Variants in PARD3 observed in about 807,000 individuals in gnomAD.
PARD3 encodes partitioning defective 3 homolog.
A neutral mutation model predicts 155.4 loss-of-function variants in PARD3; 75 were observed. That is an observed-to-expected ratio of 0.48 (90% CI 0.40 to 0.58). PARD3 has a LOEUF of 0.58. PARD3 is among the 20% of genes least tolerant of loss of function. The pLI is 0.00. For synonymous variants in PARD3, 576 were observed against 610.5 expected, an observed-to-expected ratio of 0.94 and a Z score of 0.83; for missense variants, 1,642 against 1,721.7, an observed-to-expected ratio of 0.95 and a Z score of 0.82.
chr10:34,596,237 T>TA (rs34216991), intron 2 of PARD3, among the ~76,000 whole-genome samples: 1 of 61,450 alleles, frequency 1.6e-5, no homozygotes, highest in East Asian at 5.9e-4. Flanking sequence ...AAATTTTTAC[T>TA]TTTTTTTTTT....
intron 1 of PARD3, among the ~76,000 whole-genome samples, chr10:34,792,715 G>A (rs1428488415): frequency 6.6e-6 from 1 of 152,186 alleles, no homozygotes; most frequent in East Asian, 1.9e-4. Context: ...AGCAAATTTG[G>A]CAGCAGAAAG....
chr10:34,775,930 C>G lies in PARD3; in HGVS notation c.120+38946G>C, dbSNP rs148089712. ...TCAATTAATAACTTTGTTCATTTTA[C>G]AAAGTAATATATGGCCAGGCATGGT... is the stretch of plus-strand genomic sequence containing the variant. On this transcript the variant is annotated intron_variant, in intron 1 of 24. Transcript: ENST00000374788. 9.4e-4 allele frequency among the ~76,000 whole-genome samples: 143 copies of G among 152,162 alleles called. 1 individual carries two copies. Among genetic ancestry groups the G allele is most frequent in the African/African-American group, 3.3e-3 (137 of 41,504 alleles).
At chr10:34,300,848 A>T (rs1286484043) in intron 20 of PARD3, among the ~76,000 whole-genome samples, 1 of 152,198 alleles carries the variant, frequency 6.6e-6, no homozygotes, top group African/African-American at 2.4e-5. Context: ...ATACAAGAGA[A>T]AGGCAGAGAC....
At chr10:34,254,390 C>G (rs1326800374) in intron 22 of PARD3, among the ~76,000 whole-genome samples, 2 of 90,374 alleles carry the variant, frequency 2.2e-5, no homozygotes, top group African/African-American at 1.5e-4. Context: ...AAAACAAAAA[C>G]AAAAACAAAA....
chr10:34,766,931 G>A (rs1183521976), intron 1 of PARD3, among the ~76,000 whole-genome samples: 3 of 152,124 alleles, frequency 2.0e-5, no homozygotes, highest in South Asian at 2.1e-4. Flanking sequence ...TAAAGAATCC[G>A]CATGTCCTCA....
intron 22 of PARD3, among the ~76,000 whole-genome samples, chr10:34,249,743 T>C (rs1296479900): frequency 6.6e-6 from 1 of 152,126 alleles, no homozygotes; most frequent in African/African-American, 2.4e-5. Context: ...AGAAGAAGAA[T>C]GGCTCTTTTC....
At chr10:34,769,311 C>A (rs1410788448) in intron 1 of PARD3, among the ~76,000 whole-genome samples, 2 of 152,192 alleles carry the variant, frequency 1.3e-5, no homozygotes, top group African/African-American at 4.8e-5. Flanking sequence ...TATCTGCCCA[C>A]CCCTATAGCC....
intron 3 of PARD3, among the ~76,000 whole-genome samples, chr10:34,501,673 G>A (rs746145469): frequency 2.0e-5 from 3 of 151,816 alleles, no homozygotes. Context: ...TCACACTACC[G>A]TAAATATTTA....
At chr10:34,799,305 G>T (rs914565011) in intron 1 of PARD3, among the ~76,000 whole-genome samples, 2 of 152,144 alleles carry the variant, frequency 1.3e-5, no homozygotes, top group East Asian at 3.9e-4. Context: ...GCCTCCCAAA[G>T]TGCTGGGATT....
intron 22 of PARD3, among the ~76,000 whole-genome samples, chr10:34,161,307 G>C (rs1949270580): frequency 6.6e-6 from 1 of 151,656 alleles, no homozygotes; most frequent in Non-Finnish European, 1.5e-5. Flanking sequence ...GAAGAGGGGA[G>C]TGGGGAGGGA....
At chr10:34,798,914 C>G (rs1842581945) in intron 1 of PARD3, among the ~76,000 whole-genome samples, 1 of 145,820 alleles carries the variant, frequency 6.9e-6, no homozygotes. Flanking sequence ...CCCGGCTGCA[C>G]AGACAACCAC....
chr10:34,310,253 A>G (rs1043956347), intron 20 of PARD3, among the ~76,000 whole-genome samples: 5 of 152,238 alleles, frequency 3.3e-5, no homozygotes, highest in Admixed American at 3.3e-4. Flanking sequence ...GGTGAATATC[A>G]TTAGCTGAGC....
intron 22 of PARD3, among the ~76,000 whole-genome samples, chr10:34,168,580 T>A (rs559666466): frequency 2.6e-5 from 4 of 152,252 alleles, no homozygotes; most frequent in African/African-American, 9.6e-5. Context: ...TGGTAAGTCA[T>A]TGGGAGGGCG....
At chr10:34,173,179 T>C (rs1949881508) in intron 22 of PARD3, among the ~76,000 whole-genome samples, 1 of 152,208 alleles carries the variant, frequency 6.6e-6, no homozygotes, top group African/African-American at 2.4e-5. Context: ...CGGCTGTGTC[T>C]TCCTCCTTCC....
intron 1 of PARD3, among the ~76,000 whole-genome samples, chr10:34,745,468 A>AAG (rs896080147): frequency 6.6e-6 from 1 of 151,614 alleles, no homozygotes; most frequent in Non-Finnish European, 1.5e-5. Context: ...GAGAGAGGGA[A>AAG]AGAGAGAGAG....
intron 2 of PARD3, among the ~76,000 whole-genome samples, chr10:34,616,375 C>A (rs2091257282): frequency 1.3e-5 from 2 of 152,060 alleles, no homozygotes; most frequent in Non-Finnish European, 2.9e-5. Flanking sequence ...AACCCCACTG[C>A]TGCATATACA....
intron 1 of PARD3, among the ~76,000 whole-genome samples, chr10:34,748,764 C>T (rs12264343): frequency 0.024 from 3,601 of 152,226 alleles, 144 homozygotes; most frequent in African/African-American, 0.083. Context: ...CTTGAGCACC[C>T]GCTCCCTGCT....
intron 1 of PARD3, among the ~76,000 whole-genome samples, chr10:34,702,673 C>T (rs1045524895): frequency 4.6e-5 from 7 of 152,156 alleles, no homozygotes; most frequent in Non-Finnish European, 7.3e-5. Context: ...AGGGCTTATC[C>T]CCCCAAGGCT....
intron 2 of PARD3, among the ~76,000 whole-genome samples, chr10:34,606,733 G>A (rs570576732): frequency 6.6e-6 from 1 of 151,588 alleles, no homozygotes; most frequent in South Asian, 2.1e-4. Flanking sequence ...ACTTTGGGAG[G>A]CCAAGGCGGG....
Sources: allele counts gnomAD v4.1 joint callset (sites outside exome capture counted in the v4.1 genomes callset), GRCh38; gene constraint gnomAD v4.1.1; transcripts MANE v1.5; gene names NCBI Gene and HGNC (gene_info 2026-07-23, HGNC 2026-07-21).